PHACTR3: variants seen among roughly 807,000 people sequenced by gnomAD.
The protein encoded by PHACTR3 is protein phosphatase 1, regulatory subunit 123.
A neutral mutation model predicts 66.8 loss-of-function variants in PHACTR3; 16 were observed. The observed-to-expected ratio is 0.24, with a 90% CI of 0.16 to 0.36. The LOEUF (loss-of-function observed/expected upper bound fraction) is 0.36. Ranked by LOEUF, PHACTR3 falls within the 10% of genes least tolerant of loss-of-function variation. The probability of loss-of-function intolerance (pLI) is 1.00; values close to 1 mark genes in which losing one functional copy is unlikely to be tolerated. For missense variants in PHACTR3, 647 were observed against 719.9 expected, an observed-to-expected ratio of 0.90 and a Z score of 1.16; for synonymous variants, 323 against 292.1, an observed-to-expected ratio of 1.11 and a Z score of -1.08.
intron 1 of PHACTR3, among the ~76,000 whole-genome samples, chr20:59,665,770 C>T (rs938804042): frequency 3.9e-5 from 6 of 151,958 alleles, no homozygotes; most frequent in African/African-American, 9.7e-5. Flanking sequence ...ATTGGGTGCA[C>T]GCTGGGACTC....
intron 8 of PHACTR3, among the ~76,000 whole-genome samples, chr20:59,815,417 G>A (rs2041857515): frequency 7.2e-6 from 1 of 139,160 alleles, no homozygotes; most frequent in Non-Finnish European, 1.5e-5. Flanking sequence ...TTGGGGTTCT[G>A]GTTTTTTTTT....
At chr20:59,771,951 G>T (rs1234311119) in intron 5 of PHACTR3, among the ~76,000 whole-genome samples, 1 of 152,228 alleles carries the variant, frequency 6.6e-6, no homozygotes, top group Non-Finnish European at 1.5e-5. Flanking sequence ...TCTGGTGTTT[G>T]CACCAGTCCT....
chr20:59,672,115 G>C (rs2146509602), intron 1 of PHACTR3, among the ~76,000 whole-genome samples: 1 of 152,316 alleles, frequency 6.6e-6, no homozygotes, highest in East Asian at 1.9e-4. Flanking sequence ...GGCATTTTCA[G>C]TTGTCGCAGC....
intron 1 of PHACTR3, among the ~76,000 whole-genome samples, chr20:59,695,746 T>A (rs74514598): frequency 2.0e-5 from 3 of 151,760 alleles, no homozygotes; most frequent in East Asian, 1.9e-4. Context: ...TTTTTTTTTT[T>A]ATTTGAGATG....
At chr20:59,737,897 C>T (rs2039009924) in intron 1 of PHACTR3, among the ~76,000 whole-genome samples, 1 of 152,150 alleles carries the variant, frequency 6.6e-6, no homozygotes, top group African/African-American at 2.4e-5. Flanking sequence ...TCCTCAGTGG[C>T]CAAAGTGCTC....
chr20:59,740,369 G>A (rs1341339908), intron 1 of PHACTR3, among the ~76,000 whole-genome samples: 1 of 152,084 alleles, frequency 6.6e-6, no homozygotes, highest in Non-Finnish European at 1.5e-5. Flanking sequence ...GAGTACAGGT[G>A]CAAATCATAG....
intron 1 of PHACTR3, chr20:59,627,049 A>G (rs1229702186): frequency 6.6e-6 from 1 of 152,262 alleles, no homozygotes; most frequent in Non-Finnish European, 1.5e-5. Flanking sequence ...CCATGAGCCC[A>G]GTGCTGTGGA....
intron 1 of PHACTR3, among the ~76,000 whole-genome samples, chr20:59,650,565 G>T (rs1159796506): frequency 6.6e-6 from 1 of 152,034 alleles, no homozygotes; most frequent in East Asian, 1.9e-4. Context: ...AAAGGATGGA[G>T]ACCTGCTGAT....
Position 59,791,634 on chromosome 20 carries a change from C to G in PHACTR3, c.1175-14407C>G, listed in dbSNP as rs559391311. 3.0e-4 allele frequency among the ~76,000 whole-genome samples: 46 copies of G among 151,046 alleles called. 1 individual carries two copies. Among genetic ancestry groups the G allele is most frequent in the African/African-American group, 1.0e-3 (42 of 41,040 alleles). On this transcript the variant is annotated intron_variant, in intron 7 of 12. Coordinates refer to ENST00000371015, the MANE Select transcript of PHACTR3 (RefSeq NM_080672.5). ...ACTGAAGTTTTAGGGTACATGTGCACAGTGCTGGTTTGTTACATATGTGTA... is the reference window on the plus strand; with the variant it reads ...ACTGAAGTTTTAGGGTACATGTGCAGAGTGCTGGTTTGTTACATATGTGTA...
chr20:59,724,043 C>T (rs1172721890), intron 1 of PHACTR3, among the ~76,000 whole-genome samples: 3 of 152,132 alleles, frequency 2.0e-5, no homozygotes, highest in African/African-American at 7.2e-5. Flanking sequence ...GCCTGAACAC[C>T]TTTCACATGG....
At position 59,731,767 on chromosome 20, in the gene PHACTR3, G is replaced by A. The variant is rs568223112; in HGVS notation, c.119-11340G>A. On this transcript the variant is annotated intron_variant, in intron 1 of 12. Transcript: ENST00000371015. ...GTAGTCTTAATTTCAGCATCATTGC[G>A]TGCAGGGTGCCTTAGACAGCTAGAA... is the stretch of plus-strand genomic sequence containing the variant. Among the ~76,000 whole-genome samples the A allele has an allele frequency of 1.8e-4, 28 of 152,238 alleles. 1 individual carries two copies. Among genetic ancestry groups the A allele is most frequent in the African/African-American group, 2.9e-4 (12 of 41,542 alleles).
Position 59,747,778 on chromosome 20 carries a change from G to T in PHACTR3, c.301G>T (p.Gly101Cys). ...GGCAGCGCTGGAGAAGAAGATGGCC[G>T]GCAGGCAAGGCCGAGAGGAGCTCAT... is the stretch of plus-strand genomic sequence containing the variant. ...TTSALEKKMA[G>C]RQGREELIKK... The change falls in exon 3 of 13, where the codon GGC (glycine) becomes TGC (cysteine). Residue 101 changes from glycine (G) to cysteine (C), a missense_variant. Gly to Cys is a radical substitution (Grantham distance 159, BLOSUM62 -3). Coordinates refer to ENST00000371015, the MANE Select transcript of PHACTR3 (RefSeq NM_080672.5). The T allele has an allele frequency of 1.2e-6, 2 of 1,613,986 alleles. No homozygotes were observed. The highest frequency in any genetic ancestry group is 1.7e-6 in the Non-Finnish European group (2 of 1,179,942).
intron 1 of PHACTR3, among the ~76,000 whole-genome samples, chr20:59,596,247 T>C (rs1188063087): frequency 1.3e-5 from 2 of 152,230 alleles, no homozygotes; most frequent in Non-Finnish European, 2.9e-5. Flanking sequence ...GCGATTCTCC[T>C]GGCTCAGTCT....
chr20:59,603,593 CAGG>C (rs1026603899), upstream of PHACTR3: 2 of 152,344 alleles, frequency 1.3e-5, no homozygotes, highest in Non-Finnish European at 2.9e-5. Context: ...CTGTCCCCAG[CAGG>C]AGGACCCTTG....
chr20:59,788,518 C>A (rs557780478), intron 7 of PHACTR3, among the ~76,000 whole-genome samples: 14 of 152,172 alleles, frequency 9.2e-5, no homozygotes, highest in African/African-American at 3.1e-4. Context: ...CCTGGCCCCT[C>A]TTCCCTGACC....
intron 7 of PHACTR3, among the ~76,000 whole-genome samples, chr20:59,778,348 T>C (rs1056749606): frequency 6.6e-6 from 1 of 151,970 alleles, no homozygotes; most frequent in Non-Finnish European, 1.5e-5. Flanking sequence ...CCTGCCTCCC[T>C]CTCCCGGCTC....
intron 1 of PHACTR3, among the ~76,000 whole-genome samples, chr20:59,593,045 G>C (rs2033230623): frequency 6.6e-6 from 1 of 152,224 alleles, no homozygotes. Flanking sequence ...TGTGGTAAGA[G>C]AATTTTTAGT....
At chr20:59,672,747 A>G (rs916674892) in intron 1 of PHACTR3, among the ~76,000 whole-genome samples, 1 of 151,996 alleles carries the variant, frequency 6.6e-6, no homozygotes, top group Non-Finnish European at 1.5e-5. Context: ...CCTTCCCTCC[A>G]CCATCTCTCT....
At chr20:59,747,450 T>C (rs1385463882) in intron 2 of PHACTR3, among the ~76,000 whole-genome samples, 1 of 152,208 alleles carries the variant, frequency 6.6e-6, no homozygotes, top group Non-Finnish European at 1.5e-5. Context: ...AGGGCAGGAA[T>C]GGCTGGTGAG....
Sources: allele counts gnomAD v4.1 joint callset (sites outside exome capture counted in the v4.1 genomes callset), GRCh38; gene constraint gnomAD v4.1.1; transcripts MANE v1.5; gene names NCBI Gene and HGNC (gene_info 2026-07-23, HGNC 2026-07-21).